LEKR1: variants seen among roughly 807,000 people sequenced by gnomAD.
LEKR1 encodes the protein leucine, glutamate and lysine rich 1, also known as protein LEKR1.
In LEKR1, 59 loss-of-function variants were observed where a neutral mutation model predicts 72.4. That is an observed-to-expected ratio of 0.82 (90% CI 0.66 to 1.01). The LOEUF (loss-of-function observed/expected upper bound fraction) is 1.01, where lower values mean the gene tolerates loss of function less well. Among genes scored for constraint, LEKR1 ranks in the 50% least tolerant of loss-of-function variants. LEKR1 has a pLI of 0.00. For missense variants in LEKR1, 728 were observed against 759.2 expected (o/e 0.96, Z 0.48); for synonymous variants, 257 against 263.2 (o/e 0.98, Z 0.23).
rs1465669291 is a variant in LEKR1, at chr3:156,899,624, A to G, written c.264-20951A>G. Among the ~76,000 whole-genome samples the G allele has an allele frequency of 9.4e-4, 93 of 98,980 alleles. 2 individuals are homozygous for G. The highest frequency in any genetic ancestry group is 3.4e-3 in the African/African-American group (81 of 23,996). The allele number at this position is 98,980 out of a possible 152,430, so 64.9% of individuals were successfully genotyped here. A position where few individuals can be genotyped will look rare whatever the true frequency, so the allele number is the denominator to read the frequency against. Reference sequence around the variant, plus strand: ...TACGTATATATACACACATATATACACATATATACACGCATATATACACAT... The same window carrying G: ...TACGTATATATACACACATATATACGCATATATACACGCATATATACACAT... On this transcript the variant is annotated intron_variant, in intron 3 of 12. Transcript: ENST00000356539.
At chr3:157,039,662 C>A (rs1020548639) in intron 12 of LEKR1, among the ~76,000 whole-genome samples, 2 of 152,124 alleles carry the variant, frequency 1.3e-5, no homozygotes, top group African/African-American at 4.8e-5. Flanking sequence ...CTAGCAAAGA[C>A]GGATTCATGT....
In LEKR1 at chr3:156,853,308, A is replaced by G. The variant is rs201150483; in HGVS notation, c.263+326A>G. ...TATCAAAAATCAGATTAATTTTGGTAGTTTTTCATACATTTATTTTTAAAT... is the reference window on the plus strand; with the variant it reads ...TATCAAAAATCAGATTAATTTTGGTGGTTTTTCATACATTTATTTTTAAAT... On this transcript the variant is annotated intron_variant, in intron 3 of 12. Transcript: ENST00000356539. The G allele has an allele frequency of 9.9e-4, 168 of 170,110 alleles. No individual in the cohort carries two copies. The East Asian group carries it at 0.017, about 18-fold the overall frequency. The allele number at this position is 170,110 out of a possible 1,614,324, so 10.5% of individuals were successfully genotyped here.
intron 3 of LEKR1, among the ~76,000 whole-genome samples, chr3:156,865,379 T>G (rs1717189595): frequency 6.6e-6 from 1 of 152,046 alleles, no homozygotes; most frequent in African/African-American, 2.4e-5. Context: ...GAGTATTAAA[T>G]GGGGGTGTGT....
chr3:157,041,849 A>G (rs1735367877), intron 12 of LEKR1, among the ~76,000 whole-genome samples: 1 of 152,224 alleles, frequency 6.6e-6, no homozygotes. Context: ...TTCTGCAACA[A>G]TCCAACCTTC....
At chr3:156,906,383 GTTGCA>G (rs972837841) in intron 3 of LEKR1, among the ~76,000 whole-genome samples, 1 of 152,078 alleles carries the variant, frequency 6.6e-6, no homozygotes, top group Non-Finnish European at 1.5e-5. Context: ...TGTTCTCATG[GTTGCA>G]TTGGCAAGAG....
In LEKR1 at chr3:157,045,834, A is replaced by G. The variant is rs1485946361; in HGVS notation, c.*84A>G. ...GAATTCACTGTAACTGAGAATGACA[A>G]TGATAAAATTATTTTCACAGATCAG... On this transcript the variant is annotated 3_prime_UTR_variant, in exon 13 of 13. Coordinates refer to ENST00000356539, the MANE Select transcript of LEKR1 (RefSeq NM_001004316.3). 1.4e-5 allele frequency: 17 copies of G among 1,214,310 alleles called. No homozygotes were observed. The highest frequency in any genetic ancestry group is 2.2e-5 in the Admixed American group (1 of 45,916). 75.2% of individuals were successfully genotyped at this position (1,214,310 alleles called of 1,614,324 possible).
At chr3:157,029,794 G>A (rs1378580040) in intron 12 of LEKR1, among the ~76,000 whole-genome samples, 3 of 152,056 alleles carry the variant, frequency 2.0e-5, no homozygotes, top group Non-Finnish European at 4.4e-5. Flanking sequence ...CTCTAGAGGA[G>A]GGAAGCAGGA....
chr3:156,978,957 G>A (rs964198993), intron 6 of LEKR1, among the ~76,000 whole-genome samples: 35 of 152,142 alleles, frequency 2.3e-4, no homozygotes, highest in African/African-American at 7.5e-4. Context: ...ATGGTGGTGG[G>A]GGCAGAAAGA....
chr3:156,862,970 G>A (rs1716931451), intron 3 of LEKR1, among the ~76,000 whole-genome samples: 1 of 152,056 alleles, frequency 6.6e-6, no homozygotes, highest in Non-Finnish European at 1.5e-5. Flanking sequence ...GGAAAAGGGA[G>A]GGAGACGTTG....
intron 3 of LEKR1, among the ~76,000 whole-genome samples, chr3:156,894,218 A>G (rs1411426562): frequency 2.6e-5 from 4 of 152,162 alleles, no homozygotes; most frequent in African/African-American, 7.2e-5. Flanking sequence ...TAGATGGGGT[A>G]CCTGTTATCC....
intron 12 of LEKR1, among the ~76,000 whole-genome samples, chr3:157,038,390 C>T (rs1235857895): frequency 6.6e-6 from 1 of 152,114 alleles, no homozygotes; most frequent in African/African-American, 2.4e-5. Flanking sequence ...TCTTAATATG[C>T]CTGTTAGATA....
chr3:157,018,410 C>T (rs982407063), intron 10 of LEKR1, among the ~76,000 whole-genome samples: 1 of 152,122 alleles, frequency 6.6e-6, no homozygotes, highest in African/African-American at 2.4e-5. Flanking sequence ...TTACCAAAAT[C>T]GACCATATTT....
At chr3:156,874,177 G>C (rs903202179) in intron 3 of LEKR1, among the ~76,000 whole-genome samples, 3 of 152,082 alleles carry the variant, frequency 2.0e-5, no homozygotes, top group Admixed American at 1.3e-4. Flanking sequence ...TTCATTCAAT[G>C]AATTCTTCAG....
At chr3:156,851,679 G>GT (rs533404244) in intron 2 of LEKR1, among the ~76,000 whole-genome samples, 64 of 150,682 alleles carry the variant, frequency 4.2e-4, no homozygotes, top group Non-Finnish European at 7.3e-4. Flanking sequence ...ATAAAAATGT[G>GT]TTTTTTTTTC....
intron 2 of LEKR1, among the ~76,000 whole-genome samples, chr3:156,845,237 G>C (rs1443462241): frequency 6.6e-6 from 1 of 151,460 alleles, no homozygotes; most frequent in Non-Finnish European, 1.5e-5. Flanking sequence ...TATAATCTAG[G>C]TACTAGTAAG....
intron 7 of LEKR1, among the ~76,000 whole-genome samples, chr3:156,986,735 C>T (rs73873758): frequency 1.2e-4 from 19 of 152,248 alleles, no homozygotes; most frequent in African/African-American, 4.6e-4. Flanking sequence ...GTTCCCTAAA[C>T]CATAAAATGG....
At chr3:157,006,068 C>A (rs1412642689) in intron 9 of LEKR1, among the ~76,000 whole-genome samples, 1 of 151,288 alleles carries the variant, frequency 6.6e-6, no homozygotes, top group East Asian at 1.9e-4. Context: ...TGCAGTGGCG[C>A]AATCTCGGCT....
chr3:157,011,294 A>G, intron 9 of LEKR1, 119 bp from the exon 10 acceptor site: 1 of 673,112 alleles, frequency 1.5e-6, no homozygotes. Context: ...CAGCATATAT[A>G]CTGCTGAAGA....
chr3:156,826,929 A>C (rs1240018709), intron 1 of LEKR1: 20 of 155,482 alleles, frequency 1.3e-4, no homozygotes, highest in Non-Finnish European at 2.9e-5. Context: ...GGAATTGGAA[A>C]CGAACAAGGA....
Sources: allele counts gnomAD v4.1 joint callset (sites outside exome capture counted in the v4.1 genomes callset), GRCh38; gene constraint gnomAD v4.1.1; transcripts MANE v1.5; gene names NCBI Gene and HGNC (gene_info 2026-07-23, HGNC 2026-07-21).